The following RIMS2 variants were observed in gnomAD, a reference collection of about 807,000 sequenced individuals.
The protein encoded by RIMS2 is regulating synaptic membrane exocytosis protein 2.
Under a neutral mutation model 174.4 loss-of-function variants are expected in RIMS2, and 59 were observed. That is an observed-to-expected ratio of 0.34 (90% CI 0.27 to 0.42). The LOEUF (loss-of-function observed/expected upper bound fraction) is 0.42, where lower values mean the gene tolerates loss of function less well. RIMS2 is among the 10% of genes least tolerant of loss of function. RIMS2 has a pLI of 1.00. For synonymous variants in RIMS2, 606 were observed against 572.5 expected, an observed-to-expected ratio of 1.06 and a Z score of -0.84; for missense variants, 1,620 against 1,666.3, an observed-to-expected ratio of 0.97 and a Z score of 0.48.
chr8:104,050,164 G>T (rs1188799332), intron 19 of RIMS2, among the ~76,000 whole-genome samples: 2 of 151,996 alleles, frequency 1.3e-5, no homozygotes. Flanking sequence ...TAAAGGAAAG[G>T]TTATTTCTGA....
rs575557731 is a variant in RIMS2, at chr8:103,838,127, G to A, written c.699-47171G>A. Among the ~76,000 whole-genome samples, 4 of 151,862 alleles carry A rather than the reference G, an allele frequency of 2.6e-5. No individual in the cohort carries two copies. The East Asian group carries it at 7.8e-4, about 30-fold the overall frequency. On this transcript the variant is annotated intron_variant, in intron 3 of 23. Transcript: ENST00000504942. Reference sequence around the variant, plus strand: ...ATGCCTGGCTAATTTTTGTAGTTTTGTAGAAGTAGGGTTTCACCATGTTGC... The same window carrying A: ...ATGCCTGGCTAATTTTTGTAGTTTTATAGAAGTAGGGTTTCACCATGTTGC...
At chr8:103,563,421 C>T (rs1031885974) in intron 1 of RIMS2, among the ~76,000 whole-genome samples, 1 of 152,174 alleles carries the variant, frequency 6.6e-6, no homozygotes, top group African/African-American at 2.4e-5. Flanking sequence ...CGTCTCTTTG[C>T]TAAAACATAA....
In RIMS2 at chr8:103,617,545, A is replaced by AC. The variant is rs1234483283; in HGVS notation, c.177-79541_177-79540insC. On this transcript the variant is annotated intron_variant, in intron 1 of 23. Coordinates refer to ENST00000504942, the Ensembl canonical transcript of RIMS2. ...AAACTGAAGAGCTTCTGCACAGCCA[A>AC]AGAAACTATCAACAGAGTAAACAGA... Among the ~76,000 whole-genome samples, 4 of 152,218 alleles carry AC rather than the reference A, an allele frequency of 2.6e-5. No homozygotes were observed. In the East Asian group the frequency reaches 7.7e-4, roughly 29 times the overall value.
At chr8:104,062,353 G>C (rs956981587) in intron 19 of RIMS2, among the ~76,000 whole-genome samples, 1 of 152,214 alleles carries the variant, frequency 6.6e-6, no homozygotes, top group African/African-American at 2.4e-5. Flanking sequence ...GCGGTGAGCC[G>C]AGATTGCACC....
intron 1 of RIMS2, among the ~76,000 whole-genome samples, chr8:103,600,870 G>T (rs984210718): frequency 1.3e-5 from 2 of 152,036 alleles, no homozygotes; most frequent in Non-Finnish European, 1.5e-5. Flanking sequence ...GTTATTGCCT[G>T]CCTTTTGGAT....
intron 1 of RIMS2, among the ~76,000 whole-genome samples, chr8:103,534,585 CA>C (rs1258811719): frequency 1.3e-5 from 2 of 150,228 alleles, no homozygotes; most frequent in South Asian, 2.2e-4. Context: ...CCTATCTGTG[CA>C]AAAATATATT....
intron 19 of RIMS2, among the ~76,000 whole-genome samples, chr8:104,055,410 G>A (rs532801928): frequency 6.6e-6 from 1 of 152,066 alleles, no homozygotes; most frequent in Admixed American, 6.5e-5. Flanking sequence ...TTTAATGTGG[G>A]TATTTAGCAA....
chr8:104,106,374 A>AT (rs533360771), intron 19 of RIMS2, among the ~76,000 whole-genome samples: 1 of 152,156 alleles, frequency 6.6e-6, no homozygotes, highest in Non-Finnish European at 1.5e-5. Flanking sequence ...GCACAGATTA[A>AT]TTTTTACTGA....
At chr8:103,873,894 A>G (rs773791328) in intron 3 of RIMS2, among the ~76,000 whole-genome samples, 6 of 152,068 alleles carry the variant, frequency 3.9e-5, no homozygotes, top group Admixed American at 2.6e-4. Context: ...GGGTCTGTCT[A>G]TGTCACAGAT....
intron 2 of RIMS2, among the ~76,000 whole-genome samples, chr8:103,713,264 C>T (rs2138061900): frequency 6.6e-6 from 1 of 152,310 alleles, no homozygotes; most frequent in African/African-American, 2.4e-5. Context: ...GGTGATCTGC[C>T]TGCCTCGGCC....
chr8:103,708,018 ATC>A (rs1320415716), intron 2 of RIMS2, among the ~76,000 whole-genome samples: 1 of 152,156 alleles, frequency 6.6e-6, no homozygotes, highest in African/African-American at 2.4e-5. Flanking sequence ...AGAAAAAGGA[ATC>A]TCTGCACTGT....
intron 1 of RIMS2, among the ~76,000 whole-genome samples, chr8:103,581,754 G>A (rs1297004235): frequency 1.3e-5 from 2 of 152,184 alleles, no homozygotes; most frequent in East Asian, 3.9e-4. Flanking sequence ...CAAGATGGTG[G>A]ATAGAAGCCT....
At chr8:104,242,662 G>A (rs2099308369) in intron 19 of RIMS2, among the ~76,000 whole-genome samples, 1 of 152,168 alleles carries the variant, frequency 6.6e-6, no homozygotes, top group South Asian at 2.1e-4. Flanking sequence ...TTATGTATGT[G>A]TGTCTATCAT....
chr8:103,754,310 C>T (rs540278708), intron 2 of RIMS2, among the ~76,000 whole-genome samples: 1 of 152,282 alleles, frequency 6.6e-6, no homozygotes, highest in Non-Finnish European at 1.5e-5. Flanking sequence ...GTTATAATTT[C>T]TGTTGTTTTA....
chr8:104,165,157 CTG>C (rs766421504), intron 19 of RIMS2, among the ~76,000 whole-genome samples: 24 of 152,170 alleles, frequency 1.6e-4, no homozygotes, highest in Non-Finnish European at 2.6e-4. Flanking sequence ...CCTCTTTAAA[CTG>C]TGTTCTAGAA....
chr8:104,021,706 T>G, intron 19 of RIMS2, among the ~76,000 whole-genome samples: 1 of 152,334 alleles, frequency 6.6e-6, no homozygotes, highest in Middle Eastern at 3.4e-3. Context: ...ACTGTTATGC[T>G]TTCTTCTTAT....
chr8:103,998,016 T>C (rs1395761418), intron 17 of RIMS2, among the ~76,000 whole-genome samples: 3 of 151,730 alleles, frequency 2.0e-5, no homozygotes, highest in Non-Finnish European at 4.4e-5. Context: ...GGCACTGTCA[T>C]ATTACAGTGA....
At chr8:104,062,329 A>T (rs2154560543) in intron 19 of RIMS2, among the ~76,000 whole-genome samples, 1 of 152,246 alleles carries the variant, frequency 6.6e-6, no homozygotes, top group East Asian at 1.9e-4. Context: ...GCTTCAACCC[A>T]GGAGGCAGAG....
chr8:104,245,988 C>T (rs2441805), intron 20 of RIMS2, among the ~76,000 whole-genome samples: 45,271 of 152,014 alleles, frequency 0.3, 7,101 homozygotes, highest in African/African-American at 0.36. Flanking sequence ...GAAATAGATT[C>T]ACTATTCATT....
Sources: allele counts gnomAD v4.1 joint callset (sites outside exome capture counted in the v4.1 genomes callset), GRCh38; gene constraint gnomAD v4.1.1; transcripts MANE v1.5; gene names NCBI Gene and HGNC (gene_info 2026-07-23, HGNC 2026-07-21).